Variants in DLGAP4 observed in about 807,000 individuals in gnomAD.
DLGAP4 encodes disks large-associated protein 4.
Under a neutral mutation model 86.9 loss-of-function variants are expected in DLGAP4, and 18 were observed. The ratio of observed to expected loss-of-function variants is 0.21; its 90% CI spans 0.14 to 0.31. The LOEUF (loss-of-function observed/expected upper bound fraction) is 0.31, where lower values mean the gene tolerates loss of function less well. Ranked by LOEUF, DLGAP4 falls within the 10% of genes least tolerant of loss-of-function variation. The pLI is 1.00. For missense variants in DLGAP4, 1,085 were observed against 1,362.6 expected, an observed-to-expected ratio of 0.80 and a Z score of 3.21; for synonymous variants, 548 against 574.3, an observed-to-expected ratio of 0.95 and a Z score of 0.65.
intron 5 of DLGAP4, among the ~76,000 whole-genome samples, chr20:36,442,216 T>C (rs2033466133): frequency 6.6e-6 from 1 of 152,160 alleles, no homozygotes; most frequent in African/African-American, 2.4e-5. Context: ...TATTTTGAGA[T>C]GGAGTTTCGC....
intron 1 of DLGAP4, among the ~76,000 whole-genome samples, chr20:36,310,489 G>A (rs1001754249): frequency 1.2e-4 from 18 of 152,176 alleles, no homozygotes; most frequent in Admixed American, 2.0e-4. Context: ...ATAAAGTGAA[G>A]ACTTGGACCT....
chr20:36,408,298 C>T (rs536907747), intron 2 of DLGAP4, among the ~76,000 whole-genome samples: 1 of 152,012 alleles, frequency 6.6e-6, no homozygotes, highest in East Asian at 1.9e-4. Flanking sequence ...GCAGTTATCC[C>T]TGTTGACAGC....
At chr20:36,352,775 T>G (rs1035578846) in intron 1 of DLGAP4, among the ~76,000 whole-genome samples, 1 of 151,632 alleles carries the variant, frequency 6.6e-6, no homozygotes. Context: ...GTGAGCAGGA[T>G]AGGAGGCTGG....
intron 2 of DLGAP4, among the ~76,000 whole-genome samples, chr20:36,377,828 C>T (rs1364325379): frequency 1.3e-5 from 2 of 152,184 alleles, no homozygotes; most frequent in African/African-American, 2.4e-5. Context: ...TCCAACCACA[C>T]GGGCTGACAT....
chr20:36,443,747 C>T (rs1372659172), intron 6 of DLGAP4, among the ~76,000 whole-genome samples: 1 of 152,112 alleles, frequency 6.6e-6, no homozygotes, highest in Non-Finnish European at 1.5e-5. Flanking sequence ...CAGCTGGCCT[C>T]CCCACCGACA....
At chr20:36,482,663 T>G (rs6022059) in intron 7 of DLGAP4, among the ~76,000 whole-genome samples, 10,662 of 151,192 alleles carry the variant, frequency 0.071, 1,298 homozygotes, top group African/African-American at 0.25. Context: ...TCGTGGGTTG[T>G]TTTTTTGTTT....
At chr20:36,384,071 G>GA (rs11484054) in intron 2 of DLGAP4, among the ~76,000 whole-genome samples, 91,154 of 149,688 alleles carry the variant, frequency 0.61, 27,834 homozygotes, top group South Asian at 0.78. Context: ...TAACTAGCTA[G>GA]AAAAAAAAAG....
At chr20:36,352,539 C>CGA (rs1555893546) in intron 1 of DLGAP4, among the ~76,000 whole-genome samples, 1 of 151,398 alleles carries the variant, frequency 6.6e-6, no homozygotes. Context: ...GAGTGTGGGG[C>CGA]GAGAGAGAGG....
chr20:36,473,043 T>A (rs189535231), intron 7 of DLGAP4: 1 of 152,386 alleles, frequency 6.6e-6, no homozygotes, highest in Non-Finnish European at 1.5e-5. Context: ...CCAGCCGGGC[T>A]CCAGGTAGGC....
chr20:36,425,554 G>A (rs893343191), intron 2 of DLGAP4, among the ~76,000 whole-genome samples: 5 of 117,182 alleles, frequency 4.3e-5, no homozygotes, highest in African/African-American at 1.6e-4. Context: ...GGCTGGGCGT[G>A]GTGGCTCGCC....
rs746604405 is a variant in DLGAP4, at chr20:36,432,135, C to T, written c.418C>T (p.Arg140Cys). 5 of 1,614,224 alleles carry T rather than the reference C, an allele frequency of 3.1e-6. No homozygotes were observed. The highest frequency in any genetic ancestry group is 2.2e-5 in the South Asian group (2 of 91,084). Residue 140 changes from arginine (R) to cysteine (C), a missense_variant, in exon 3 of 13, where the codon CGC (arginine) becomes TGC (cysteine). Physicochemically the swap from Arg to Cys is radical, Grantham distance 180. This residue lies in a region of DLGAP4 where 1,082 missense variants were observed against 1,344.1 expected (regional missense o/e 0.81). Coordinates refer to ENST00000339266, the MANE Select transcript of DLGAP4 (RefSeq NM_001365621.2). The surrounding 1 kb of genome is among the most constrained non-coding windows in gnomAD (Gnocchi z 6.5). ...CCGTGGTGAGAGCCCTGGCCGCATC[C>T]GCCACCTGGTCCACTCAGTCCAGCG... Reference protein sequence around the residue: ...KARGESPGRIRHLVHSVQRLF... With the variant: ...KARGESPGRICHLVHSVQRLF...
At chr20:36,484,323 G>C (rs1418443944) in intron 7 of DLGAP4, among the ~76,000 whole-genome samples, 1 of 152,232 alleles carries the variant, frequency 6.6e-6, no homozygotes, top group Non-Finnish European at 1.5e-5. Context: ...GCCCTGGACT[G>C]TGGGTGTGCC....
At chr20:36,521,732 CCT>C (rs1199830190) in intron 10 of DLGAP4, among the ~76,000 whole-genome samples, 1 of 152,052 alleles carries the variant, frequency 6.6e-6, no homozygotes, top group African/African-American at 2.4e-5. Context: ...TTCCAGAGCC[CCT>C]GTTTTATCTC....
intron 8 of DLGAP4, chr20:36,499,319 A>C (rs1296038435): frequency 1.2e-6 from 2 of 1,612,950 alleles, no homozygotes; most frequent in Non-Finnish European, 1.7e-6. Context: ...CACCCTCCTC[A>C]GAGTAGGGAA....
Position 36,500,136 on chromosome 20 carries a change from G to A in DLGAP4, c.2100-63G>A. Reference sequence around the variant, plus strand: ...TGTGTCCGGGTCAAGGCGGCCTCTGGTCTCTGGCCCTCTTGGTGACTCACT... The same window carrying A: ...TGTGTCCGGGTCAAGGCGGCCTCTGATCTCTGGCCCTCTTGGTGACTCACT... On this transcript the variant is annotated intron_variant, in intron 9 of 12. Transcript: ENST00000339266. This position sits in a 1 kb window ranked among gnomAD's most constrained non-coding sequence, Gnocchi z 4.6. The A allele has an allele frequency of 6.7e-7, 1 of 1,490,884 alleles. No homozygotes were observed. The highest frequency in any genetic ancestry group is 9.0e-7 in the Non-Finnish European group (1 of 1,115,728). 92.4% of individuals were successfully genotyped at this position (1,490,884 alleles called of 1,614,324 possible). A position where few individuals can be genotyped will look rare whatever the true frequency, so the allele number is the denominator to read the frequency against.
chr20:36,466,643 ATTC>A (rs776393048), intron 7 of DLGAP4, among the ~76,000 whole-genome samples: 13 of 152,324 alleles, frequency 8.5e-5, no homozygotes, highest in Non-Finnish European at 1.5e-4. Flanking sequence ...AGACCCACCC[ATTC>A]TTAGAAACCA....
Position 36,526,837 on chromosome 20 carries a change from G to T in DLGAP4, c.2785G>T (p.Val929Phe). Residue 929 changes from valine (V) to phenylalanine (F), a missense_variant, in exon 13 of 13, where the codon GTC (valine) becomes TTC (phenylalanine). Val to Phe is a conservative substitution (Grantham distance 50, BLOSUM62 -1). Transcript: ENST00000339266. ...GGAAGAGAAGAAACCACCCCCTCCG[G>T]TCCCAAAGAAGCCAGCCAAATCCAA... ...RKEEKKPPPP[V>F]PKKPAKSKPA... is the part of the protein sequence containing the mutation. 5 of 1,609,666 alleles carry T rather than the reference G, an allele frequency of 3.1e-6. No individual in the cohort carries two copies. The highest frequency in any genetic ancestry group is 4.2e-6 in the Non-Finnish European group (5 of 1,178,774).
intron 2 of DLGAP4, among the ~76,000 whole-genome samples, chr20:36,397,451 C>G (rs1225203385): frequency 6.6e-6 from 1 of 152,228 alleles, no homozygotes; most frequent in Non-Finnish European, 1.5e-5. Context: ...ATAAGGGAGG[C>G]ATATGTGGAA....
At chr20:36,401,647 G>C (rs2032164885) in intron 2 of DLGAP4, among the ~76,000 whole-genome samples, 1 of 152,242 alleles carries the variant, frequency 6.6e-6, no homozygotes, top group Non-Finnish European at 1.5e-5. Flanking sequence ...ACACAGCCTT[G>C]AATAAGATAG....
Sources: gnomAD v4.1 joint callset for allele counts (sites outside exome capture counted in the v4.1 genomes callset) on GRCh38, gnomAD v4.1.1 for gene constraint, gnomAD v4.1.1 regional missense constraint, Gnocchi (gnomAD v3.1) non-coding constraint, MANE v1.5 for transcripts, NCBI Gene and HGNC (gene_info 2026-07-23, HGNC 2026-07-21) for gene names.